Variants in PLCL1 observed in about 807,000 individuals in gnomAD.
The protein encoded by PLCL1 is phospholipase C like 1 (inactive), also known as inactive phospholipase C-like protein 1.
PLCL1 carries 41 observed loss-of-function variants against 84.4 expected under a neutral mutation model. The observed-to-expected ratio is 0.49, with a 90% CI of 0.38 to 0.63. PLCL1 has a LOEUF of 0.63. Among genes scored for constraint, PLCL1 ranks in the 30% least tolerant of loss-of-function variants. PLCL1 has a pLI of 0.00. For missense variants in PLCL1, 1,206 were observed against 1,367.8 expected, an observed-to-expected ratio of 0.88 and a Z score of 1.87; for synonymous variants, 490 against 488.3, an observed-to-expected ratio of 1.00 and a Z score of -0.05.
chr2:197,821,222 T>A (rs1381799458), intron 1 of PLCL1, among the ~76,000 whole-genome samples: 1 of 152,146 alleles, frequency 6.6e-6, no homozygotes, highest in Non-Finnish European at 1.5e-5. Context: ...TTGCTTTAGA[T>A]AGTTGGCTTG....
intron 1 of PLCL1, among the ~76,000 whole-genome samples, chr2:197,813,621 A>G (rs1002290676): frequency 2.0e-5 from 3 of 152,288 alleles, no homozygotes; most frequent in Non-Finnish European, 4.4e-5. Flanking sequence ...TTATAATAAT[A>G]GCAAATACTA....
At position 198,044,418 on chromosome 2, in the gene PLCL1, T is replaced by C. The variant is rs189182573; in HGVS notation, c.241-39340T>C. 1.7e-4 allele frequency among the ~76,000 whole-genome samples: 26 copies of C among 152,320 alleles called. No individual in the cohort carries two copies. The East Asian group carries it at 4.8e-3, about 28-fold the overall frequency. ...GCATGGTTTCCTAACTGGTGTTACT[T>C]CCACACTGTACTTGAACTATATAAA... On this transcript the variant is annotated intron_variant, in intron 1 of 5. Transcript: ENST00000428675.
intron 1 of PLCL1, among the ~76,000 whole-genome samples, chr2:198,025,884 G>C (rs1217935487): frequency 6.6e-6 from 1 of 152,104 alleles, no homozygotes; most frequent in East Asian, 1.9e-4. Context: ...TTTTAAAATA[G>C]TGATTCATAA....
At chr2:198,097,269 A>G (rs1385631281) in intron 3 of PLCL1, among the ~76,000 whole-genome samples, 2 of 152,168 alleles carry the variant, frequency 1.3e-5, no homozygotes, top group Non-Finnish European at 2.9e-5. Context: ...GTGTAAGGGG[A>G]AAATTATCAG....
intron 1 of PLCL1, among the ~76,000 whole-genome samples, chr2:197,923,200 C>CAG (rs1688749957): frequency 1.0e-5 from 1 of 97,204 alleles, no homozygotes; most frequent in Non-Finnish European, 2.2e-5. Context: ...GCTGGCCGGG[C>CAG]GGGGGGCTGA....
chr2:198,024,332 C>T (rs1691210856), intron 1 of PLCL1, among the ~76,000 whole-genome samples: 1 of 151,956 alleles, frequency 6.6e-6, no homozygotes, highest in African/African-American at 2.4e-5. Flanking sequence ...GCCACCATGG[C>T]ACATATATAC....
rs780659574 is a variant in PLCL1 at position 198,088,840 on chromosome 2, A to G, written c.2716-18A>G. The stretch of plus-strand genomic sequence containing the variant: ...GTCAGGTGGTCAGAAGTGTGATTCC[A>G]TGTTTTCTTCCTCACAGAATGCAAT... On this transcript the variant is annotated intron_variant, in intron 2 of 5. Coordinates refer to ENST00000428675, the MANE Select transcript of PLCL1 (RefSeq NM_006226.4). The G allele has an allele frequency of 3.9e-6, 6 of 1,520,138 alleles. 1 individual carries two copies. In the South Asian group the frequency reaches 4.5e-5, roughly 11 times the overall value. 94.2% of individuals were successfully genotyped at this position (1,520,138 alleles called of 1,614,324 possible).
At chr2:197,990,332 C>T (rs1302229537) in intron 1 of PLCL1, among the ~76,000 whole-genome samples, 1 of 152,106 alleles carries the variant, frequency 6.6e-6, no homozygotes, top group Non-Finnish European at 1.5e-5. Flanking sequence ...AGCAATGCAG[C>T]AGATATTTTG....
intron 1 of PLCL1, among the ~76,000 whole-genome samples, chr2:197,986,012 AC>A (rs1165480001): frequency 3.3e-5 from 5 of 152,194 alleles, no homozygotes; most frequent in Admixed American, 6.5e-5. Context: ...TTTGGACAGG[AC>A]CAAAACCTTC....
chr2:197,923,256 TG>T lies in PLCL1; in HGVS notation c.240+117918del, dbSNP rs1256928043. On this transcript the variant is annotated intron_variant, in intron 1 of 5. Transcript: ENST00000428675. ...TGGGGCGGCTGGCCGGGCGGGGGGC[TG>T]ACCCCCCCCACCTCCCTCCCGGACG... 1.4e-4 allele frequency among the ~76,000 whole-genome samples: 20 copies of T among 146,112 alleles called. No individual in the cohort carries two copies. The East Asian group carries it at 1.5e-3, about 11-fold the overall frequency.
intron 1 of PLCL1, among the ~76,000 whole-genome samples, chr2:197,922,732 A>G: frequency 9.9e-6 from 1 of 100,506 alleles, no homozygotes; most frequent in Non-Finnish European, 2.1e-5. Context: ...GGCCGGGCAG[A>G]GGCGCCCCTC....
At chr2:198,081,933 A>G (rs1407387930) in intron 1 of PLCL1, among the ~76,000 whole-genome samples, 1 of 152,190 alleles carries the variant, frequency 6.6e-6, no homozygotes, top group Non-Finnish European at 1.5e-5. Context: ...ACTTTTCAAT[A>G]TTTGAAATAG....
At chr2:198,124,632 C>G (rs1693945169) in intron 5 of PLCL1, among the ~76,000 whole-genome samples, 1 of 151,994 alleles carries the variant, frequency 6.6e-6, no homozygotes, top group Non-Finnish European at 1.5e-5. Flanking sequence ...ACAAACAAAG[C>G]CTTTGATTCA....
chr2:197,942,329 G>A (rs972488645), intron 1 of PLCL1, among the ~76,000 whole-genome samples: 1 of 151,860 alleles, frequency 6.6e-6, no homozygotes, highest in Non-Finnish European at 1.5e-5. Flanking sequence ...TTTAACAAAC[G>A]TAGATCTCCC....
At chr2:197,985,006 T>C (rs1690192129) in intron 1 of PLCL1, among the ~76,000 whole-genome samples, 1 of 151,954 alleles carries the variant, frequency 6.6e-6, no homozygotes, top group Non-Finnish European at 1.5e-5. Flanking sequence ...AGTGGTGCGA[T>C]CATTATGTAC....
At chr2:197,876,629 T>C (rs565758520) in intron 1 of PLCL1, among the ~76,000 whole-genome samples, 1 of 152,238 alleles carries the variant, frequency 6.6e-6, no homozygotes, top group African/African-American at 2.4e-5. Flanking sequence ...TCATTAAGAT[T>C]ATTGCAGGAT....
At chr2:198,004,255 C>T (rs1559070991) in intron 1 of PLCL1, among the ~76,000 whole-genome samples, 2 of 152,032 alleles carry the variant, frequency 1.3e-5, no homozygotes, top group African/African-American at 2.4e-5. Flanking sequence ...TTAAATTACT[C>T]TTCTTTTTGC....
intron 1 of PLCL1, among the ~76,000 whole-genome samples, chr2:197,852,315 A>G (rs1281030270): frequency 6.6e-6 from 1 of 152,192 alleles, no homozygotes; most frequent in African/African-American, 2.4e-5. Flanking sequence ...AACTCTTGAC[A>G]AGGCAGCTGG....
chr2:197,956,819 A>G (rs1377476182), intron 1 of PLCL1, among the ~76,000 whole-genome samples: 1 of 152,096 alleles, frequency 6.6e-6, no homozygotes, highest in African/African-American at 2.4e-5. Context: ...TCTGGATATT[A>G]GACCTTTGTC....
Sources: allele counts gnomAD v4.1 joint callset (sites outside exome capture counted in the v4.1 genomes callset), GRCh38; gene constraint gnomAD v4.1.1; transcripts MANE v1.5; gene names NCBI Gene and HGNC (gene_info 2026-07-23, HGNC 2026-07-21).